The following GFOD1 variants were observed in gnomAD, a reference collection of about 807,000 sequenced individuals.
GFOD1 encodes the protein glucose-fructose oxidoreductase domain-containing protein 1.
A neutral mutation model predicts 25.4 loss-of-function variants in GFOD1; 9 were observed. The observed-to-expected ratio is 0.35, with a 90% CI of 0.21 to 0.62. The LOEUF is 0.62. GFOD1 is among the 20% of genes least tolerant of loss of function. The pLI is 0.72. For missense variants in GFOD1, 403 were observed against 556.9 expected (o/e 0.72, Z 2.78); for synonymous variants, 253 against 245.6 (o/e 1.03, Z -0.28).
intron 1 of GFOD1, among the ~76,000 whole-genome samples, chr6:13,475,740 TA>T (rs1243133360): frequency 5.0e-5 from 7 of 139,364 alleles, no homozygotes; most frequent in African/African-American, 1.8e-4. Context: ...ATAATAATAA[TA>T]ATAATAATAA....
rs1010303092 is a variant in GFOD1 at position 13,470,517 on chromosome 6, G to A, written c.253+16121C>T. ...GCAGCATCGTGGGGGGTAAACAAATGTCCCATGTGGGGGTGCTGGAGGGAG... is the reference window on the plus strand; with the variant it reads ...GCAGCATCGTGGGGGGTAAACAAATATCCCATGTGGGGGTGCTGGAGGGAG... On this transcript the variant is annotated intron_variant, in intron 1 of 1. Transcript: ENST00000379287. The A allele has an allele frequency of 3.9e-6, 6 of 1,549,718 alleles. No homozygotes were observed. In the African/African-American group the frequency reaches 8.2e-5, roughly 21 times the overall value.
intron 1 of GFOD1, among the ~76,000 whole-genome samples, chr6:13,437,704 A>G (rs1757855345): frequency 6.6e-6 from 1 of 152,182 alleles, no homozygotes; most frequent in Admixed American, 6.5e-5. Context: ...ATGTGTATAG[A>G]TATACAGCAA....
chr6:13,474,596 T>C (rs1001151494), intron 1 of GFOD1, among the ~76,000 whole-genome samples: 1 of 152,154 alleles, frequency 6.6e-6, no homozygotes, highest in Non-Finnish European at 1.5e-5. Context: ...ATTGCATTGC[T>C]CCATGTTTGC....
chr6:13,394,462 T>C (rs1785685772), intron 1 of GFOD1, among the ~76,000 whole-genome samples: 1 of 134,044 alleles, frequency 7.5e-6, no homozygotes, highest in African/African-American at 2.7e-5. Flanking sequence ...TTTGTACCCT[T>C]TGAATTTTTT....
At position 13,359,081 on chromosome 6, in the gene GFOD1, C is replaced by T. The variant is rs185106783; in HGVS notation, c.*5662G>A. ...CTGAGCCCATCACCTTTTAAAGAAG[C>T]GCAGGAGGTCTTGACTCTTCCTATG... On this transcript the variant is annotated 3_prime_UTR_variant, in exon 2 of 2. Transcript: ENST00000379287. 5.4e-4 allele frequency: 83 copies of T among 152,434 alleles called. No individual in the cohort carries two copies. Among genetic ancestry groups the T allele is most frequent in the Admixed American group, 2.7e-3 (42 of 15,304 alleles). 9.4% of individuals were successfully genotyped at this position (152,434 alleles called of 1,614,324 possible). A position where few individuals can be genotyped will look rare whatever the true frequency, so the allele number is the denominator to read the frequency against.
intron 1 of GFOD1, among the ~76,000 whole-genome samples, chr6:13,375,786 C>T (rs539870330): frequency 6.6e-5 from 10 of 152,290 alleles, no homozygotes; most frequent in Non-Finnish European, 1.0e-4. Context: ...CCCATTAGCA[C>T]GGGGATTTTC....
intron 1 of GFOD1, among the ~76,000 whole-genome samples, chr6:13,426,374 T>G (rs1786352942): frequency 6.6e-6 from 1 of 152,194 alleles, no homozygotes; most frequent in Non-Finnish European, 1.5e-5. Flanking sequence ...AACCCCAGAT[T>G]CATCAGACTC....
intron 1 of GFOD1, among the ~76,000 whole-genome samples, chr6:13,404,442 G>A (rs1312094980): frequency 6.6e-6 from 1 of 152,134 alleles, no homozygotes; most frequent in Non-Finnish European, 1.5e-5. Flanking sequence ...AAATCCTTTG[G>A]ATTAGAACTG....
rs755237062 is a variant in GFOD1, at chr6:13,365,669, G to A, written c.254-7C>T. On this transcript the variant is annotated splice_region_variant and splice_polypyrimidine_tract_variant and intron_variant, in intron 1 of 1. Coordinates refer to ENST00000379287, the MANE Select transcript of GFOD1 (RefSeq NM_018988.4). The surrounding 1 kb of genome is among the most constrained non-coding windows in gnomAD (Gnocchi z 9.2). ...ATGACGTTCTTGCCGATGCCTGCGG[G>A]TGGGAGGAAGACAGCGGTCAGCGGG... 1.3e-6 allele frequency: 2 copies of A among 1,586,536 alleles called. No homozygotes were observed. Among genetic ancestry groups the A allele is most frequent in the South Asian group, 2.2e-5 (2 of 90,682 alleles).
intron 1 of GFOD1, among the ~76,000 whole-genome samples, chr6:13,465,742 A>G (rs1006397605): frequency 3.3e-5 from 5 of 152,102 alleles, no homozygotes; most frequent in African/African-American, 1.2e-4. Flanking sequence ...AAGCTGAGGG[A>G]CCCCTGTTAA....
At chr6:13,444,197 T>A (rs925837999) in intron 1 of GFOD1, among the ~76,000 whole-genome samples, 1 of 152,214 alleles carries the variant, frequency 6.6e-6, no homozygotes, top group Non-Finnish European at 1.5e-5. Context: ...AATGAGATCA[T>A]GTATTTTGCG....
At chr6:13,445,348 C>T (rs1465762943) in intron 1 of GFOD1, among the ~76,000 whole-genome samples, 1 of 152,206 alleles carries the variant, frequency 6.6e-6, no homozygotes, top group African/African-American at 2.4e-5. Flanking sequence ...AGAGACTGCC[C>T]ATGGCTATAA....
chr6:13,371,171 G>C (rs983319094), intron 1 of GFOD1, among the ~76,000 whole-genome samples: 24 of 152,210 alleles, frequency 1.6e-4, no homozygotes, highest in Admixed American at 1.5e-3. Context: ...AGAAAATGAG[G>C]GGTTCAGGCA....
chr6:13,409,121 GAAAGAAAGAAAGAAAGAAA>G (rs1562209306), intron 1 of GFOD1, among the ~76,000 whole-genome samples: 1 of 61,944 alleles, frequency 1.6e-5, no homozygotes, highest in East Asian at 4.9e-4. Context: ...AAGAAAGAAA[GAAAGAAAGAAAGAAAGAAA>G]GAAAGAAAGA....
intron 1 of GFOD1, among the ~76,000 whole-genome samples, chr6:13,372,522 G>T (rs1341432513): frequency 6.6e-6 from 1 of 152,192 alleles, no homozygotes; most frequent in African/African-American, 2.4e-5. Context: ...TCCTATCTCA[G>T]GACAGATCAG....
intron 1 of GFOD1, among the ~76,000 whole-genome samples, chr6:13,397,021 A>C (rs966949854): frequency 6.6e-6 from 1 of 152,212 alleles, no homozygotes; most frequent in African/African-American, 2.4e-5. Flanking sequence ...TGGTGATCAC[A>C]GGTGTGCAGT....
intron 1 of GFOD1, among the ~76,000 whole-genome samples, chr6:13,452,374 G>A (rs2127574031): frequency 6.6e-6 from 1 of 152,282 alleles, no homozygotes; most frequent in South Asian, 2.1e-4. Flanking sequence ...AAGTATTTCA[G>A]ACTAATGGAT....
At chr6:13,447,539 A>G (rs1333899996) in intron 1 of GFOD1, among the ~76,000 whole-genome samples, 1 of 151,884 alleles carries the variant, frequency 6.6e-6, no homozygotes, top group Admixed American at 6.6e-5. Flanking sequence ...GGAGTTTGAG[A>G]CCAGCCTGGT....
chr6:13,360,250 A>G lies in GFOD1; in HGVS notation c.*4493T>C. ...TGGACTGTGAAGCCCCTTCAGATGCAGCTGAATTTACCTTCTGCCCAGAAA... is the reference window on the plus strand; with the variant it reads ...TGGACTGTGAAGCCCCTTCAGATGCGGCTGAATTTACCTTCTGCCCAGAAA... On this transcript the variant is annotated 3_prime_UTR_variant, in exon 2 of 2. Transcript: ENST00000379287. 1 of 178,158 alleles carries G rather than the reference A, an allele frequency of 5.6e-6. No individual in the cohort carries two copies. The highest frequency in any genetic ancestry group is 1.2e-5 in the Non-Finnish European group (1 of 82,972). The allele number at this position is 178,158 out of a possible 1,614,324, so 11.0% of individuals were successfully genotyped here. A position where few individuals can be genotyped will look rare whatever the true frequency, so the allele number is the denominator to read the frequency against.
Sources: gnomAD v4.1 joint callset for allele counts (sites outside exome capture counted in the v4.1 genomes callset) on GRCh38, gnomAD v4.1.1 for gene constraint, Gnocchi (gnomAD v3.1) non-coding constraint, MANE v1.5 for transcripts, NCBI Gene and HGNC (gene_info 2026-07-23, HGNC 2026-07-21) for gene names.